The following PPM1E variants were observed in gnomAD, a reference collection of about 807,000 sequenced individuals.
PPM1E encodes protein phosphatase 1E.
Under a neutral mutation model 65.9 loss-of-function variants are expected in PPM1E, and 20 were observed. The ratio of observed to expected loss-of-function variants is 0.30; its 90% CI spans 0.21 to 0.44. The LOEUF (loss-of-function observed/expected upper bound fraction) is 0.44, where lower values mean the gene tolerates loss of function less well. Among genes scored for constraint, PPM1E ranks in the 20% least tolerant of loss-of-function variants. The pLI is 1.00. For synonymous variants in PPM1E, 352 were observed against 374.9 expected (o/e 0.94, Z 0.70); for missense variants, 713 against 953.1 (o/e 0.75, Z 3.32).
chr17:58,778,629 C>G (rs1736765077), intron 1 of PPM1E, among the ~76,000 whole-genome samples: 1 of 151,596 alleles, frequency 6.6e-6, no homozygotes, highest in African/African-American at 2.4e-5. Flanking sequence ...AGGCTGGTCT[C>G]AAACTCCTGG....
chr17:58,871,422 G>A (rs78772551), intron 1 of PPM1E, among the ~76,000 whole-genome samples: 2,544 of 152,176 alleles, frequency 0.017, 33 homozygotes, highest in Non-Finnish European at 0.028. Flanking sequence ...CAAAGACCTC[G>A]GTAGCCTAAG....
At chr17:58,805,546 G>A (rs1236231540) in intron 1 of PPM1E, among the ~76,000 whole-genome samples, 1 of 152,048 alleles carries the variant, frequency 6.6e-6, no homozygotes, top group Non-Finnish European at 1.5e-5. Context: ...CACCGTGCCC[G>A]GCCCCAGTGT....
chr17:58,887,447 G>A (rs66896813), intron 1 of PPM1E, among the ~76,000 whole-genome samples: 24,445 of 152,058 alleles, frequency 0.16, 2,373 homozygotes, highest in Non-Finnish European at 0.21. Context: ...GATTACAGGC[G>A]TGAGCCACTG....
chr17:58,972,763 T>C, intron 5 of PPM1E, 69 bp from the exon 6 acceptor site: 1 of 1,362,266 alleles, frequency 7.3e-7, no homozygotes, highest in Non-Finnish European at 1.1e-6. Flanking sequence ...TATCTGTTGT[T>C]TACTGTTAAA....
rs2031593467 is a variant in PPM1E at position 58,984,327 on chromosome 17, A to T, written c.*3296A>T. On this transcript the variant is annotated 3_prime_UTR_variant, in exon 7 of 7. Coordinates refer to ENST00000308249, the MANE Select transcript of PPM1E (RefSeq NM_014906.5). ...TGTGCCAGTGAGAAGTGCAACATCC[A>T]GTGGGCAGATGAAAATGATGCATGG... The T allele has an allele frequency of 6.5e-6, 1 of 152,674 alleles. No individual in the cohort carries two copies. Among genetic ancestry groups the T allele is most frequent in the South Asian group, 2.1e-4 (1 of 4,838 alleles). The allele number at this position is 152,674 out of a possible 1,614,324, so 9.5% of individuals were successfully genotyped here.
chr17:58,862,324 G>A (rs956869453), intron 1 of PPM1E, among the ~76,000 whole-genome samples: 1 of 152,176 alleles, frequency 6.6e-6, no homozygotes, highest in Admixed American at 6.5e-5. Context: ...TTACTGGGGA[G>A]CAATATGCAT....
At chr17:58,851,548 C>G (rs2050826023) in intron 1 of PPM1E, among the ~76,000 whole-genome samples, 1 of 152,212 alleles carries the variant, frequency 6.6e-6, no homozygotes, top group South Asian at 2.1e-4. Context: ...GAGGTCCACT[C>G]CAGACACTGT....
intron 1 of PPM1E, among the ~76,000 whole-genome samples, chr17:58,907,358 T>A (rs1261385052): frequency 1.3e-5 from 2 of 151,894 alleles, no homozygotes; most frequent in Admixed American, 6.6e-5. Context: ...AATAAGACAT[T>A]GTATAATTTT....
At chr17:58,846,575 C>G (rs1477854762) in intron 1 of PPM1E, among the ~76,000 whole-genome samples, 1 of 152,190 alleles carries the variant, frequency 6.6e-6, no homozygotes, top group Non-Finnish European at 1.5e-5. Context: ...CCAGCTTCAT[C>G]CATGTCTCTA....
chr17:58,837,552 C>T (rs1308558487), intron 1 of PPM1E, among the ~76,000 whole-genome samples: 2 of 148,220 alleles, frequency 1.3e-5, no homozygotes, highest in African/African-American at 5.0e-5. Flanking sequence ...GACTAGAGTG[C>T]AGTGGTGCAA....
intron 6 of PPM1E, among the ~76,000 whole-genome samples, chr17:58,973,643 T>TAAAAAA (rs2030794267): frequency 6.7e-6 from 1 of 149,314 alleles, no homozygotes; most frequent in South Asian, 2.1e-4. Flanking sequence ...CTTCATCTCT[T>TAAAAAA]AAAAAAACAA....
chr17:58,837,320 A>ACACAC (rs1567849044), intron 1 of PPM1E, among the ~76,000 whole-genome samples: 1 of 120,242 alleles, frequency 8.3e-6, no homozygotes, highest in Admixed American at 8.5e-5. Context: ...GAATGAGAAT[A>ACACAC]ACACACACAC....
chr17:58,942,366 A>G (rs1233130830), intron 1 of PPM1E, among the ~76,000 whole-genome samples: 1 of 152,214 alleles, frequency 6.6e-6, no homozygotes, highest in East Asian at 1.9e-4. Context: ...AGTCTGGGCA[A>G]CACAGCAAGG....
rs1226139023 is a variant in PPM1E at position 58,937,879 on chromosome 17, C to CAAAAA, written c.465-17758_465-17754dup. On this transcript the variant is annotated intron_variant, in intron 1 of 6. Transcript: ENST00000308249. ...TGGGCAACAGAGTGAGACTCCATCT[C>CAAAAA]AAAAAAAAAAAAAAAAGAAAGAAAG... Among the ~76,000 whole-genome samples the CAAAAA allele has an allele frequency of 4.8e-4, 40 of 82,934 alleles. 1 individual carries two copies. Among genetic ancestry groups the CAAAAA allele is most frequent in the African/African-American group, 1.2e-3 (24 of 20,036 alleles). The allele number at this position is 82,934 out of a possible 152,430, so 54.4% of individuals were successfully genotyped here. A position where few individuals can be genotyped will look rare whatever the true frequency, so the allele number is the denominator to read the frequency against.
At chr17:58,794,244 C>T (rs1189748051) in intron 1 of PPM1E, among the ~76,000 whole-genome samples, 2 of 151,950 alleles carry the variant, frequency 1.3e-5, no homozygotes, top group African/African-American at 2.4e-5. Context: ...CATGCCTGGC[C>T]AATTTTTAAT....
intron 1 of PPM1E, among the ~76,000 whole-genome samples, chr17:58,793,174 TC>T (rs1228442743): frequency 6.6e-6 from 1 of 152,068 alleles, no homozygotes; most frequent in Non-Finnish European, 1.5e-5. Flanking sequence ...TTTGTTATAC[TC>T]CCTTCTTCAT....
At chr17:58,770,881 G>A (rs1054700046) in intron 1 of PPM1E, among the ~76,000 whole-genome samples, 6 of 148,194 alleles carry the variant, frequency 4.0e-5, no homozygotes, top group Non-Finnish European at 5.9e-5. Context: ...TTTTTTAGGC[G>A]GAGTCTCACT....
chr17:58,945,117 A>G (rs1215284605), intron 1 of PPM1E, among the ~76,000 whole-genome samples: 1 of 151,106 alleles, frequency 6.6e-6, no homozygotes, highest in African/African-American at 2.4e-5. Flanking sequence ...GGAAGAAAAA[A>G]ACCTGTTTTT....
intron 1 of PPM1E, among the ~76,000 whole-genome samples, chr17:58,758,544 A>G (rs566144162): frequency 1.8e-4 from 27 of 151,730 alleles, no homozygotes; most frequent in Admixed American, 1.1e-3. Flanking sequence ...AAAAAAAAAG[A>G]TTAATTTTGA....
Sources: gnomAD v4.1 joint callset for allele counts (sites outside exome capture counted in the v4.1 genomes callset) on GRCh38, gnomAD v4.1.1 for gene constraint, MANE v1.5 for transcripts, NCBI Gene and HGNC (gene_info 2026-07-23, HGNC 2026-07-21) for gene names.